ARNT2: variants seen among roughly 807,000 people sequenced by gnomAD.
ARNT2 encodes aryl hydrocarbon receptor nuclear translocator 2.
A neutral mutation model predicts 91.7 loss-of-function variants in ARNT2; 36 were observed. That is an observed-to-expected ratio of 0.39 (90% confidence interval 0.30 to 0.52). The LOEUF (loss-of-function observed/expected upper bound fraction) is 0.52, where lower values mean the gene tolerates loss of function less well. Ranked by LOEUF, ARNT2 falls within the 20% of genes least tolerant of loss-of-function variation. The pLI is 0.72. For synonymous variants in ARNT2, 365 were observed against 347.1 expected, an observed-to-expected ratio of 1.05 and a Z score of -0.57; for missense variants, 775 against 939.3, an observed-to-expected ratio of 0.83 and a Z score of 2.29.
chr15:80,570,486 A>G (rs1245216744), intron 12 of ARNT2, among the ~76,000 whole-genome samples: 1 of 152,210 alleles, frequency 6.6e-6, no homozygotes, highest in Non-Finnish European at 1.5e-5. Flanking sequence ...GAGAGTAGAG[A>G]AAGTAATGCT....
chr15:80,430,708 CT>C (rs989781335), intron 1 of ARNT2, among the ~76,000 whole-genome samples: 1 of 152,134 alleles, frequency 6.6e-6, no homozygotes. Context: ...CTCTAGTGGT[CT>C]TTTTTGCCTT....
At chr15:80,425,731 GT>G (rs1895924142) in intron 1 of ARNT2, among the ~76,000 whole-genome samples, 1 of 150,234 alleles carries the variant, frequency 6.7e-6, no homozygotes, top group African/African-American at 2.5e-5. Flanking sequence ...TTTTTTTGTT[GT>G]TTGTTTGTTT....
intron 11 of ARNT2, 123 bp downstream of exon 11, chr15:80,555,262 C>A: frequency 1.1e-6 from 1 of 940,608 alleles, no homozygotes; most frequent in Non-Finnish European, 1.6e-6. Context: ...TGGCCTCACT[C>A]AGGGCCCCTG....
intron 1 of ARNT2, among the ~76,000 whole-genome samples, chr15:80,405,442 G>A (rs1895585279): frequency 6.6e-6 from 1 of 152,094 alleles, no homozygotes; most frequent in Non-Finnish European, 1.5e-5. Flanking sequence ...CACAGAGGGC[G>A]GCCCCCAGGA....
At chr15:80,504,875 G>T (rs913785469) in intron 5 of ARNT2, among the ~76,000 whole-genome samples, 6 of 152,172 alleles carry the variant, frequency 3.9e-5, no homozygotes, top group African/African-American at 1.4e-4. Context: ...GGGGAGCTGT[G>T]AGTCCTTCCG....
At chr15:80,441,914 C>G (rs1896197121) in intron 1 of ARNT2, among the ~76,000 whole-genome samples, 1 of 152,212 alleles carries the variant, frequency 6.6e-6, no homozygotes, top group African/African-American at 2.4e-5. Context: ...TAAGAGCAGA[C>G]AGTCATTTCC....
At chr15:80,486,774 A>G (rs1430608428) in intron 5 of ARNT2, among the ~76,000 whole-genome samples, 3 of 152,160 alleles carry the variant, frequency 2.0e-5, no homozygotes, top group African/African-American at 4.8e-5. Flanking sequence ...TATAATTGCT[A>G]ATCACCTATG....
chr15:80,574,914 G>A, intron 13 of ARNT2, 73 bp from the exon 14 acceptor site: 6 of 1,531,856 alleles, frequency 3.9e-6, no homozygotes, highest in Non-Finnish European at 5.3e-6. Context: ...AAGGAGAGCT[G>A]GTGGCTCCTG....
rs757314385 is a variant in ARNT2 at position 80,575,005 on chromosome 15, C to G, written c.1408C>G (p.Pro470Ala). ...CAAATAGGTCCCCGTCCCCAACCTACCAGCCGGTGTTCATGAGGCCGGGAA... is the reference window on the plus strand; with the variant it reads ...CAAATAGGTCCCCGTCCCCAACCTAGCAGCCGGTGTTCATGAGGCCGGGAA... ...DLSQVPVPNL[P>A]AGVHEAGKSV... Residue 470 changes from proline (P) to alanine (A), a missense_variant, in exon 14 of 19, where the codon CCA (proline) becomes GCA (alanine). Physicochemically the swap from Pro to Ala is conservative, Grantham distance 27. Transcript: ENST00000303329. 5 of 1,614,130 alleles carry G rather than the reference C, an allele frequency of 3.1e-6. No individual in the cohort carries two copies. Among genetic ancestry groups the G allele is most frequent in the Non-Finnish European group, 4.2e-6 (5 of 1,179,976 alleles).
At chr15:80,506,216 G>A (rs1897274480) in intron 5 of ARNT2, among the ~76,000 whole-genome samples, 2 of 152,264 alleles carry the variant, frequency 1.3e-5, no homozygotes, top group South Asian at 2.1e-4. Context: ...GATTACAGGC[G>A]TGAGCCACCG....
intron 1 of ARNT2, among the ~76,000 whole-genome samples, chr15:80,415,805 TC>T (rs1483684112): frequency 6.6e-6 from 1 of 152,134 alleles, no homozygotes; most frequent in Admixed American, 6.5e-5. Flanking sequence ...GGCTATCATA[TC>T]CCCAGCTAGA....
In ARNT2 at chr15:80,451,091, T is replaced by TA. The variant is rs1010201301; in HGVS notation, c.146+101dup. 7 of 1,182,412 alleles carry TA rather than the reference T, an allele frequency of 5.9e-6. No individual in the cohort carries two copies. The African/African-American group carries it at 1.1e-4, about 18-fold the overall frequency. The allele number at this position is 1,182,412 out of a possible 1,614,324, so 73.2% of individuals were successfully genotyped here. A position where few individuals can be genotyped will look rare whatever the true frequency, so the allele number is the denominator to read the frequency against. On this transcript the variant is annotated intron_variant, in intron 2 of 18. Coordinates refer to ENST00000303329, the MANE Select transcript of ARNT2 (RefSeq NM_014862.4). ...TATTGTTTCTCCCCTTCCTGTAGAATAAAAGCTCAGCAGTTTGCATCCTGT... is the reference window on the plus strand; with the variant it reads ...TATTGTTTCTCCCCTTCCTGTAGAATAAAAAGCTCAGCAGTTTGCATCCTGT...
intron 14 of ARNT2, among the ~76,000 whole-genome samples, chr15:80,575,559 G>A (rs940709518): frequency 3.3e-5 from 5 of 152,302 alleles, no homozygotes; most frequent in South Asian, 2.1e-4. Context: ...CTTCTCTCTC[G>A]TGTAAAATTC....
Position 80,404,827 on chromosome 15 carries a change from G to A in ARNT2, c.31+281G>A, listed in dbSNP as rs1895574705. ...GGGAACCCGAAGGGCAGGCCCGGGA[G>A]CCCCCGAAGTTCTGAAAATAACCGC... On this transcript the variant is annotated intron_variant, in intron 1 of 18. Coordinates refer to ENST00000303329, the MANE Select transcript of ARNT2 (RefSeq NM_014862.4). The surrounding 1 kb of genome is among the most constrained non-coding windows in gnomAD (Gnocchi z 5.5). Among the ~76,000 whole-genome samples, 1 of 152,154 alleles carries A rather than the reference G, an allele frequency of 6.6e-6. No homozygotes were observed. Among genetic ancestry groups the A allele is most frequent in the Non-Finnish European group, 1.5e-5 (1 of 67,994 alleles).
At position 80,482,079 on chromosome 15, in the gene ARNT2, T is replaced by C. The variant is rs561692091; in HGVS notation, c.622+6856T>C. On this transcript the variant is annotated intron_variant, in intron 5 of 18. Coordinates refer to ENST00000303329, the MANE Select transcript of ARNT2 (RefSeq NM_014862.4). The stretch of plus-strand genomic sequence containing the variant: ...GGGTGTCACTGCACTCAGCTAATTT[T>C]TTAATTTTTTTGTAGAGATGAGGTC... Among the ~76,000 whole-genome samples the C allele has an allele frequency of 5.6e-4, 85 of 152,314 alleles. 4 individuals carry two copies. In the South Asian group the frequency reaches 0.017, roughly 30 times the overall value.
chr15:80,535,185 G>C (rs542113080), intron 8 of ARNT2, among the ~76,000 whole-genome samples: 1 of 150,402 alleles, frequency 6.6e-6, no homozygotes, highest in East Asian at 1.9e-4. Flanking sequence ...AGGTCACAAT[G>C]CTCCTACAAA....
At chr15:80,590,732 ACT>A (rs1442385122) in intron 17 of ARNT2, among the ~76,000 whole-genome samples, 1 of 151,880 alleles carries the variant, frequency 6.6e-6, no homozygotes, top group African/African-American at 2.4e-5. Context: ...GTGGAATAAG[ACT>A]CTTTCTCGTA....
At chr15:80,483,780 G>A (rs533492449) in intron 5 of ARNT2, among the ~76,000 whole-genome samples, 21 of 152,330 alleles carry the variant, frequency 1.4e-4, no homozygotes, top group Admixed American at 6.5e-4. Context: ...CTCCTGGAAC[G>A]TGTGTGCCTG....
chr15:80,501,661 C>T (rs1311413429), intron 5 of ARNT2, among the ~76,000 whole-genome samples: 1 of 152,194 alleles, frequency 6.6e-6, no homozygotes. Flanking sequence ...CTCAGGAGAC[C>T]CTCCCTGCCT....
Sources: gnomAD v4.1 joint callset for allele counts (sites outside exome capture counted in the v4.1 genomes callset) on GRCh38, gnomAD v4.1.1 for gene constraint, Gnocchi (gnomAD v3.1) non-coding constraint, MANE v1.5 for transcripts, NCBI Gene and HGNC (gene_info 2026-07-23, HGNC 2026-07-21) for gene names.